Variants in MEGF11 observed in about 807,000 individuals in gnomAD.
The protein encoded by MEGF11 is multiple epidermal growth factor-like domains protein 11.
In MEGF11, 126 loss-of-function variants were observed where a neutral mutation model predicts 146.6. That is an observed-to-expected ratio of 0.86 (90% CI 0.74 to 1.00). MEGF11 has a LOEUF of 1.00. Ranked by LOEUF, MEGF11 falls within the 50% of genes least tolerant of loss-of-function variation. MEGF11 has a pLI of 0.00. For synonymous variants in MEGF11, 532 were observed against 583.4 expected (o/e 0.91, Z 1.27); for missense variants, 1,509 against 1,521.2 (o/e 0.99, Z 0.13).
chr15:66,177,683 C>CTT (rs58849037), intron 1 of MEGF11, among the ~76,000 whole-genome samples: 5 of 142,198 alleles, frequency 3.5e-5, no homozygotes, highest in Non-Finnish European at 3.1e-5. Flanking sequence ...CCTTTTTCTT[C>CTT]TTTTTTTTTT....
chr15:66,094,621 G>T (rs968161863), intron 4 of MEGF11, 127 bp from the exon 5 acceptor site: 2 of 720,772 alleles, frequency 2.8e-6, no homozygotes, highest in Admixed American at 2.6e-5. Context: ...CGCATGACTG[G>T]CTTGGGGGGG....
At chr15:66,182,557 G>T (rs1479895917) in intron 1 of MEGF11, among the ~76,000 whole-genome samples, 1 of 152,128 alleles carries the variant, frequency 6.6e-6, no homozygotes, top group Non-Finnish European at 1.5e-5. Context: ...TGGAGCAGCT[G>T]GTGTATTATT....
chr15:66,109,507 C>A (rs1171646576), intron 4 of MEGF11, among the ~76,000 whole-genome samples: 1 of 152,204 alleles, frequency 6.6e-6, no homozygotes, highest in Non-Finnish European at 1.5e-5. Context: ...TGTAGCAACT[C>A]ATTGAATCTT....
chr15:65,920,041 T>G (rs1253166694), intron 15 of MEGF11, among the ~76,000 whole-genome samples: 3 of 152,268 alleles, frequency 2.0e-5, no homozygotes, highest in Non-Finnish European at 4.4e-5. Context: ...CTCACTATTA[T>G]GCCTTATCAT....
intron 5 of MEGF11, among the ~76,000 whole-genome samples, chr15:66,077,521 AG>A (rs969452958): frequency 2.0e-5 from 3 of 152,214 alleles, no homozygotes; most frequent in Non-Finnish European, 2.9e-5. Flanking sequence ...AATCTTCCCT[AG>A]TCCCACCTCC....
chr15:66,213,384 T>G (rs2091509963), intron 1 of MEGF11, among the ~76,000 whole-genome samples: 1 of 152,136 alleles, frequency 6.6e-6, no homozygotes, highest in Non-Finnish European at 1.5e-5. Flanking sequence ...GTCCAAATAC[T>G]GAGCGCCTAC....
chr15:66,197,699 GGC>G (rs2091044972), intron 1 of MEGF11, among the ~76,000 whole-genome samples: 1 of 152,224 alleles, frequency 6.6e-6, no homozygotes, highest in East Asian at 1.9e-4. Context: ...TGGGATTACA[GGC>G]GTGAGCCACT....
intron 4 of MEGF11, among the ~76,000 whole-genome samples, chr15:66,109,498 G>A (rs2087272503): frequency 1.3e-5 from 2 of 152,160 alleles, no homozygotes; most frequent in East Asian, 3.9e-4. Flanking sequence ...TGCTTTATTT[G>A]TAGCAACTCA....
chr15:66,050,128 T>C (rs1314293493), intron 5 of MEGF11, among the ~76,000 whole-genome samples: 2 of 152,182 alleles, frequency 1.3e-5, no homozygotes, highest in Non-Finnish European at 2.9e-5. Flanking sequence ...GGTGTGATCA[T>C]AGCTCACTGC....
intron 7 of MEGF11, among the ~76,000 whole-genome samples, chr15:65,976,649 G>A (rs1038319676): frequency 2.6e-5 from 4 of 152,198 alleles, no homozygotes; most frequent in Admixed American, 6.5e-5. Context: ...TGTTCAAGCC[G>A]CCTAGTCTGT....
intron 5 of MEGF11, among the ~76,000 whole-genome samples, chr15:66,019,712 C>G (rs1175262759): frequency 1.3e-5 from 2 of 152,228 alleles, no homozygotes; most frequent in African/African-American, 2.4e-5. Context: ...CTCGGGTATG[C>G]GACCTCACTC....
rs2084549697 is a variant in MEGF11 at position 66,053,714 on chromosome 15, A to ATTTTTTTTTTTTTTTTTTTT, written c.394+40687_394+40688insAAAAAAAAAAAAAAAAAAAA. On this transcript the variant is annotated intron_variant, in intron 5 of 25. Transcript: ENST00000395614. The stretch of plus-strand genomic sequence containing the variant: ...ACTCAGCTCCCCCTCCCCTGGCACC[A>ATTTTTTTTTTTTTTTTTTTT]ATTTTTTTTTTTTTTTTTTTTTTTT... Among the ~76,000 whole-genome samples the ATTTTTTTTTTTTTTTTTTTT allele has an allele frequency of 4.0e-4, 17 of 42,268 alleles. 7 individuals carry two copies. The highest frequency in any genetic ancestry group is 3.2e-4 in the Non-Finnish European group (5 of 15,512). 27.7% of individuals were successfully genotyped at this position (42,268 alleles called of 152,430 possible). A position where few individuals can be genotyped will look rare whatever the true frequency, so the allele number is the denominator to read the frequency against.
chr15:66,049,429 TC>T (rs2084361628), intron 5 of MEGF11, among the ~76,000 whole-genome samples: 1 of 152,190 alleles, frequency 6.6e-6, no homozygotes, highest in Non-Finnish European at 1.5e-5. Context: ...GGCTGACCTT[TC>T]AACCTTCTGC....
At chr15:66,192,208 C>T (rs2090900799) in intron 1 of MEGF11, among the ~76,000 whole-genome samples, 1 of 152,084 alleles carries the variant, frequency 6.6e-6, no homozygotes, top group African/African-American at 2.4e-5. Flanking sequence ...TGGCTCACAC[C>T]TGTAATCTCA....
chr15:66,106,196 G>C (rs2087069934), intron 4 of MEGF11, among the ~76,000 whole-genome samples: 1 of 152,208 alleles, frequency 6.6e-6, no homozygotes, highest in South Asian at 2.1e-4. Flanking sequence ...ACAATGATGG[G>C]GAAGGTGACT....
chr15:66,172,961 A>T (rs989464430), intron 1 of MEGF11, among the ~76,000 whole-genome samples: 8 of 152,108 alleles, frequency 5.3e-5, no homozygotes, highest in Non-Finnish European at 1.5e-5. Context: ...CGCAGTATGC[A>T]TCTCTTTGTA....
At chr15:66,118,026 C>T (rs898310148) in intron 4 of MEGF11, among the ~76,000 whole-genome samples, 1 of 152,194 alleles carries the variant, frequency 6.6e-6, no homozygotes, top group Non-Finnish European at 1.5e-5. Context: ...AATTTTCCCT[C>T]TGGTGCGAAC....
At chr15:66,024,948 G>A (rs2140199470) in intron 5 of MEGF11, among the ~76,000 whole-genome samples, 1 of 152,214 alleles carries the variant, frequency 6.6e-6, no homozygotes, top group South Asian at 2.1e-4. Context: ...TGTGTTGGTT[G>A]GGGGAGTGTG....
intron 1 of MEGF11, among the ~76,000 whole-genome samples, chr15:66,134,701 G>A (rs2088811214): frequency 6.6e-6 from 1 of 152,252 alleles, no homozygotes; most frequent in Non-Finnish European, 1.5e-5. Context: ...TGCAGCTACA[G>A]GGGCCCAGCG....
Sources: gnomAD v4.1 joint callset for allele counts (sites outside exome capture counted in the v4.1 genomes callset) on GRCh38, gnomAD v4.1.1 for gene constraint, MANE v1.5 for transcripts, NCBI Gene and HGNC (gene_info 2026-07-23, HGNC 2026-07-21) for gene names.